Variants in ABCA13 observed in about 807,000 individuals in gnomAD.
ABCA13 encodes the protein ATP binding cassette subfamily A member 13.
Under a neutral mutation model 478.7 loss-of-function variants are expected in ABCA13, and 476 were observed. That is an observed-to-expected ratio of 0.99 (90% CI 0.92 to 1.07). The LOEUF is 1.07. ABCA13 is among the 50% of genes least tolerant of loss of function. ABCA13 has a pLI of 0.00. For missense variants in ABCA13, 6,060 were observed against 5,910.6 expected (o/e 1.03, Z -0.83); for synonymous variants, 2,252 against 2,158.9 (o/e 1.04, Z -1.20).
At chr7:48,396,085 C>G (rs534662189) in intron 38 of ABCA13, among the ~76,000 whole-genome samples, 1 of 152,214 alleles carries the variant, frequency 6.6e-6, no homozygotes, top group Non-Finnish European at 1.5e-5. Context: ...AGGGCACTGC[C>G]GGCCTGTGCT....
intron 10 of ABCA13, 118 bp downstream of exon 10, chr7:48,241,184 T>A (rs1379541620): frequency 1.6e-6 from 2 of 1,271,044 alleles, no homozygotes; most frequent in Non-Finnish European, 2.2e-6. Context: ...AATGAATTTC[T>A]TGTTAGCAAA....
At chr7:48,227,560 C>CTCCTCTTG in intron 6 of ABCA13, 135 bp downstream of exon 6, 1 of 1,028,866 alleles carries the variant, frequency 9.7e-7, no homozygotes, top group Non-Finnish European at 1.4e-6. Flanking sequence ...ACAAGAGGAG[C>CTCCTCTTG]TTCTGCACCT....
Position 48,249,241 on chromosome 7 carries a change from T to C in ABCA13, c.1895T>C (p.Phe632Ser), listed in dbSNP as rs1792159044. Reference protein sequence around the residue: ...VIFHTLEKTQFFLEQAYYWKA... With the variant: ...VIFHTLEKTQSFLEQAYYWKA... The stretch of plus-strand genomic sequence containing the variant: ...TTTCATACACTTGAAAAAACACAAT[T>C]TTTCCTGGAACAAGCATATTATTGG... The change falls in exon 15 of 62, where the codon TTT becomes TCT. Residue 632 changes from phenylalanine to serine, a missense_variant. Physicochemically the swap from Phe to Ser is radical, Grantham distance 155 (BLOSUM62 -2). Coordinates refer to ENST00000435803, the MANE Select transcript of ABCA13 (RefSeq NM_152701.5). 1 of 1,612,408 alleles carries C rather than the reference T, an allele frequency of 6.2e-7. No homozygotes were observed.
chr7:48,273,150 T>A lies in ABCA13; in HGVS notation c.3484T>A (p.Ser1162Thr), dbSNP rs560177465. ...QMWTEIWETI[S>T]QLFKFDMNVF... ...GTGGACTGAAATCTGGGAAACCATATCTCAATTATTTAAGTTTGACATGAA... is the reference window on the plus strand; with the variant it reads ...GTGGACTGAAATCTGGGAAACCATAACTCAATTATTTAAGTTTGACATGAA... Residue 1162 changes from serine to threonine, a missense_variant, in exon 17 of 62, where the codon TCT (serine) becomes ACT (threonine). Ser to Thr is a moderately conservative substitution (Grantham distance 58, BLOSUM62 1). Coordinates refer to ENST00000435803, the MANE Select transcript of ABCA13 (RefSeq NM_152701.5). The A allele has an allele frequency of 3.1e-6, 5 of 1,613,716 alleles. No homozygotes were observed. The East Asian group carries it at 1.1e-4, about 36-fold the overall frequency.
chr7:48,620,295 A>G (rs755723704), intron 59 of ABCA13, among the ~76,000 whole-genome samples: 4 of 152,226 alleles, frequency 2.6e-5, no homozygotes, highest in South Asian at 2.1e-4. Flanking sequence ...GACAGATACC[A>G]GTCAAAGCAA....
chr7:48,586,705 C>A (rs1436938216), intron 56 of ABCA13, among the ~76,000 whole-genome samples: 2 of 152,280 alleles, frequency 1.3e-5, no homozygotes, highest in African/African-American at 4.8e-5. Context: ...AGCAAACCTG[C>A]ACATAGACTC....
Position 48,481,172 on chromosome 7 carries a change from G to A in ABCA13, c.13094+18G>A. 6.6e-7 allele frequency: 1 copy of A among 1,519,864 alleles called. No individual in the cohort carries two copies. Among genetic ancestry groups the A allele is most frequent in the Non-Finnish European group, 9.0e-7 (1 of 1,113,404 alleles). The allele number at this position is 1,519,864 out of a possible 1,614,324, so 94.1% of individuals were successfully genotyped here. A position where few individuals can be genotyped will look rare whatever the true frequency, so the allele number is the denominator to read the frequency against. ...AAACCAAGGTGTGTTCAATACTCTT[G>A]TTGGGTCTTTACTTGTTTGGATTAC... On this transcript the variant is annotated intron_variant, in intron 46 of 61. Coordinates refer to ENST00000435803, the MANE Select transcript of ABCA13 (RefSeq NM_152701.5).
intron 15 of ABCA13, among the ~76,000 whole-genome samples, chr7:48,262,915 AT>A (rs1249569974): frequency 6.6e-6 from 1 of 152,024 alleles, no homozygotes; most frequent in Non-Finnish European, 1.5e-5. Context: ...GAACTTTGAA[AT>A]ATTATAGCTT....
intron 58 of ABCA13, among the ~76,000 whole-genome samples, chr7:48,602,656 G>A (rs562581130): frequency 1.8e-4 from 27 of 150,954 alleles, no homozygotes; most frequent in Middle Eastern, 3.4e-3. Context: ...GTCAGGTAGC[G>A]TGATGCCCCC....
In ABCA13 at chr7:48,545,670, G is replaced by A. The variant is rs1315295082; in HGVS notation, c.14354+17325G>A. Among the ~76,000 whole-genome samples, 4 of 150,504 alleles carry A rather than the reference G, an allele frequency of 2.7e-5. 1 individual carries two copies. The highest frequency in any genetic ancestry group is 5.9e-5 in the Non-Finnish European group (4 of 67,558). ...AATGGCTATCACAAAAAGGAGAATT[G>A]GCACACAAAGAATGTAATGTAAGAG... On this transcript the variant is annotated intron_variant, in intron 55 of 61. Coordinates refer to ENST00000435803, the MANE Select transcript of ABCA13 (RefSeq NM_152701.5).
In ABCA13 at chr7:48,295,683, A is replaced by T. The variant is rs1246958850; in HGVS notation, c.8956-17A>T. 1.9e-6 allele frequency: 3 copies of T among 1,613,668 alleles called. No homozygotes were observed. The African/African-American group carries it at 4.0e-5, about 22-fold the overall frequency. ...AGTATGTGTGCTTCTAACCTATATC[A>T]TTGCTATGTTTTCTAGGAAATTGAA... On this transcript the variant is annotated splice_polypyrimidine_tract_variant and intron_variant, in intron 20 of 61. Coordinates refer to ENST00000435803, the MANE Select transcript of ABCA13 (RefSeq NM_152701.5).
chr7:48,549,253 C>A (rs1290856990), intron 55 of ABCA13, among the ~76,000 whole-genome samples: 1 of 151,618 alleles, frequency 6.6e-6, no homozygotes, highest in Non-Finnish European at 1.5e-5. Flanking sequence ...TGTGTTGTTC[C>A]CCTCCCTGTG....
At chr7:48,240,403 TGTGTA>T (rs1180509115) in intron 9 of ABCA13, among the ~76,000 whole-genome samples, 42 of 152,336 alleles carry the variant, frequency 2.8e-4, no homozygotes, top group Middle Eastern at 3.4e-3. Flanking sequence ...GATCTATTTT[TGTGTA>T]ATGTTGATGA....
intron 29 of ABCA13, among the ~76,000 whole-genome samples, chr7:48,349,262 A>C (rs1025812117): frequency 6.6e-6 from 1 of 152,194 alleles, no homozygotes; most frequent in Non-Finnish European, 1.5e-5. Flanking sequence ...TCGGCAAATT[A>C]CTGGAACATA....
chr7:48,625,296 T>A (rs1021550918), intron 59 of ABCA13, among the ~76,000 whole-genome samples: 26 of 152,230 alleles, frequency 1.7e-4, no homozygotes, highest in Non-Finnish European at 3.4e-4. Context: ...ATGAAGTGGA[T>A]CATTTAAAAG....
intron 55 of ABCA13, among the ~76,000 whole-genome samples, chr7:48,577,695 A>T (rs1788313849): frequency 6.6e-6 from 1 of 151,368 alleles, no homozygotes; most frequent in Admixed American, 6.6e-5. Flanking sequence ...TTTAGAAAAT[A>T]GATACAGAAC....
At chr7:48,228,584 C>G (rs967708964) in intron 6 of ABCA13, among the ~76,000 whole-genome samples, 1 of 152,100 alleles carries the variant, frequency 6.6e-6, no homozygotes, top group Non-Finnish European at 1.5e-5. Flanking sequence ...GTGGGGAGCA[C>G]ATAGGGGAGG....
At position 48,298,348 on chromosome 7, in the gene ABCA13, A is replaced by G; in HGVS notation, c.9200-18A>G. 1 of 1,592,574 alleles carries G rather than the reference A, an allele frequency of 6.3e-7. No homozygotes were observed. The highest frequency in any genetic ancestry group is 8.5e-7 in the Non-Finnish European group (1 of 1,170,912). ...TAAACCTTTATTACACAAATTTCTT[A>G]TTTTCCTTACTTTGCAGATGTAAAA... On this transcript the variant is annotated intron_variant, in intron 22 of 61. Coordinates refer to ENST00000435803, the MANE Select transcript of ABCA13 (RefSeq NM_152701.5).
intron 55 of ABCA13, among the ~76,000 whole-genome samples, chr7:48,561,881 T>C (rs1403650765): frequency 2.0e-5 from 3 of 152,174 alleles, no homozygotes; most frequent in Non-Finnish European, 2.9e-5. Flanking sequence ...TTTCAATCTG[T>C]AATCTATTTT....
Sources: gnomAD v4.1 joint callset for allele counts (sites outside exome capture counted in the v4.1 genomes callset) on GRCh38, gnomAD v4.1.1 for gene constraint, MANE v1.5 for transcripts, NCBI Gene and HGNC (gene_info 2026-07-23, HGNC 2026-07-21) for gene names.